ULK4: variants seen among roughly 807,000 people sequenced by gnomAD.
The protein encoded by ULK4 is unc-51 like kinase 4, also known as inactive serine/threonine-protein kinase ULK4.
A neutral mutation model predicts 160.6 loss-of-function variants in ULK4; 133 were observed. The ratio of observed to expected loss-of-function variants is 0.83; its 90% CI spans 0.72 to 0.96. ULK4 has a LOEUF of 0.96. ULK4 is among the 40% of genes least tolerant of loss of function. The pLI, the probability that ULK4 is intolerant of heterozygous loss-of-function variation, is 0.00. For missense variants in ULK4, 1,580 were observed against 1,499.5 expected, an observed-to-expected ratio of 1.05 and a Z score of -0.89; for synonymous variants, 534 against 539.8, an observed-to-expected ratio of 0.99 and a Z score of 0.15.
chr3:41,891,311 G>A (rs1410302095), intron 16 of ULK4, among the ~76,000 whole-genome samples: 2 of 113,716 alleles, frequency 1.8e-5, no homozygotes, highest in Non-Finnish European at 3.9e-5. Context: ...GGACGGGAGC[G>A]GGGAAGGAAG....
intron 4 of ULK4, among the ~76,000 whole-genome samples, chr3:41,933,357 C>T (rs1019374781): frequency 2.6e-5 from 4 of 152,152 alleles, no homozygotes; most frequent in Admixed American, 6.5e-5. Flanking sequence ...TTAGACTTTA[C>T]GAGCCATACA....
At chr3:41,885,041 A>G (rs1697671586) in intron 16 of ULK4, among the ~76,000 whole-genome samples, 1 of 152,104 alleles carries the variant, frequency 6.6e-6, no homozygotes, top group South Asian at 2.1e-4. Flanking sequence ...TACTTTTTGT[A>G]GAGATGGGGT....
chr3:41,906,937 G>C (rs1012687394), intron 12 of ULK4, among the ~76,000 whole-genome samples: 1 of 152,008 alleles, frequency 6.6e-6, no homozygotes, highest in Admixed American at 6.6e-5. Flanking sequence ...AGGTTACAGT[G>C]AGCCAAGATC....
At position 41,800,789 on chromosome 3, in the gene ULK4, T is replaced by C. The variant is rs1184169793; in HGVS notation, c.1849-496A>G. 4.6e-5 allele frequency among the ~76,000 whole-genome samples: 7 copies of C among 152,142 alleles called. No individual in the cohort carries two copies. The South Asian group carries it at 1.4e-3, about 31-fold the overall frequency. ...AGTCCTAAGAAAGGTATTGCTTCAG[T>C]GGTGTGACGAAATTAATCCTAGAGG... On this transcript the variant is annotated intron_variant, in intron 19 of 36. Transcript: ENST00000301831.
At chr3:41,957,575 C>T (rs538762487) in intron 1 of ULK4, among the ~76,000 whole-genome samples, 13 of 152,080 alleles carry the variant, frequency 8.5e-5, no homozygotes, top group South Asian at 2.1e-4. Context: ...TGGCCAGGCA[C>T]GGTTGCTCGC....
intron 1 of ULK4, among the ~76,000 whole-genome samples, chr3:41,955,014 G>A (rs1447212421): frequency 6.6e-6 from 1 of 152,206 alleles, no homozygotes; most frequent in South Asian, 2.1e-4. Flanking sequence ...CTTCACAGCC[G>A]GCGCAGTGGC....
intron 35 of ULK4, among the ~76,000 whole-genome samples, chr3:41,283,842 TA>T (rs35648050): frequency 1.3e-5 from 2 of 151,170 alleles, no homozygotes; most frequent in South Asian, 4.2e-4. Flanking sequence ...CTAGAACTGA[TA>T]AAAAAAATTC....
At chr3:41,610,232 G>C (rs898233476) in intron 31 of ULK4, among the ~76,000 whole-genome samples, 2 of 151,800 alleles carry the variant, frequency 1.3e-5, no homozygotes, top group Non-Finnish European at 2.9e-5. Context: ...GGCCAGACTG[G>C]TCTTGAACTC....
chr3:41,597,292 C>A (rs1182714818), intron 31 of ULK4, among the ~76,000 whole-genome samples: 2 of 152,184 alleles, frequency 1.3e-5, no homozygotes, highest in Non-Finnish European at 2.9e-5. Flanking sequence ...CAGGAAACAA[C>A]ATGGCTCAGG....
At chr3:41,467,053 T>C (rs1011738948) in intron 32 of ULK4, among the ~76,000 whole-genome samples, 16 of 152,240 alleles carry the variant, frequency 1.1e-4, no homozygotes, top group South Asian at 8.3e-4. Flanking sequence ...ACACAAAATG[T>C]TAGTAATGAT....
At chr3:41,381,390 C>T (rs990300423) in intron 35 of ULK4, among the ~76,000 whole-genome samples, 2 of 152,164 alleles carry the variant, frequency 1.3e-5, no homozygotes, top group African/African-American at 4.8e-5. Flanking sequence ...GTTGGAATTC[C>T]AGGCCTATAG....
chr3:41,607,116 T>C (rs1056860097), intron 31 of ULK4, among the ~76,000 whole-genome samples: 21 of 152,124 alleles, frequency 1.4e-4, no homozygotes, highest in Non-Finnish European at 2.6e-4. Context: ...CCATTTTGAG[T>C]TAATTTTTGG....
At chr3:41,657,830 A>G (rs1373205344) in intron 30 of ULK4, among the ~76,000 whole-genome samples, 1 of 150,630 alleles carries the variant, frequency 6.6e-6, no homozygotes, top group East Asian at 1.9e-4. Context: ...AAAAAAAAAA[A>G]AAAAACACAC....
At chr3:41,451,025 T>C (rs1430187046) in intron 34 of ULK4, among the ~76,000 whole-genome samples, 2 of 152,126 alleles carry the variant, frequency 1.3e-5, no homozygotes, top group East Asian at 3.9e-4. Flanking sequence ...ATTTTATTCC[T>C]TGGGTAATCA....
chr3:41,648,905 G>T (rs28419079), intron 30 of ULK4, among the ~76,000 whole-genome samples: 3,277 of 152,168 alleles, frequency 0.022, 127 homozygotes, highest in African/African-American at 0.074. Context: ...AGGCCAAGGC[G>T]GGCAGATCGT....
intron 17 of ULK4, among the ~76,000 whole-genome samples, chr3:41,856,224 A>G (rs2042333306): frequency 6.6e-6 from 1 of 152,070 alleles, no homozygotes; most frequent in Non-Finnish European, 1.5e-5. Flanking sequence ...ATCATTTTCA[A>G]CAAATTTGCC....
chr3:41,598,674 C>T (rs1484693191), intron 31 of ULK4, among the ~76,000 whole-genome samples: 2 of 149,214 alleles, frequency 1.3e-5, no homozygotes, highest in African/African-American at 2.6e-5. Context: ...TACATATACA[C>T]CCCCACACAC....
chr3:41,561,941 A>C (rs1259256732), intron 32 of ULK4, among the ~76,000 whole-genome samples: 1 of 151,888 alleles, frequency 6.6e-6, no homozygotes, highest in African/African-American at 2.4e-5. Context: ...TAGTTCTTTT[A>C]ATTGTGATGT....
chr3:41,421,553 A>G (rs546947691), intron 34 of ULK4, among the ~76,000 whole-genome samples: 100 of 152,274 alleles, frequency 6.6e-4, no homozygotes, highest in African/African-American at 2.2e-3. Flanking sequence ...TTCGCCTTCA[A>G]TTTCTTAAAA....
Sources: gnomAD v4.1 joint callset for allele counts (sites outside exome capture counted in the v4.1 genomes callset) on GRCh38, gnomAD v4.1.1 for gene constraint, MANE v1.5 for transcripts, NCBI Gene and HGNC (gene_info 2026-07-23, HGNC 2026-07-21) for gene names.